Variants in NUP37 observed in about 807,000 individuals in gnomAD.
NUP37 encodes the protein nucleoporin 37.
In NUP37, 33 loss-of-function variants were observed where a neutral mutation model predicts 45.4. The ratio of observed to expected loss-of-function variants is 0.73; its 90% CI spans 0.55 to 0.97. NUP37 has a LOEUF of 0.97. Among genes scored for constraint, NUP37 ranks in the 50% least tolerant of loss-of-function variants. The probability of loss-of-function intolerance (pLI) is 0.00; values close to 1 mark genes in which losing one functional copy is unlikely to be tolerated. For missense variants in NUP37, 365 were observed against 389.7 expected (o/e 0.94, Z 0.53); for synonymous variants, 127 against 130.7 (o/e 0.97, Z 0.19).
At chr12:102,104,457 T>C (rs1214859275) in intron 3 of NUP37, among the ~76,000 whole-genome samples, 2 of 152,172 alleles carry the variant, frequency 1.3e-5, no homozygotes, top group Non-Finnish European at 2.9e-5. Flanking sequence ...TGCCATGTAC[T>C]AGTTTTAAAG....
chr12:102,080,644 C>A (rs1879306968), intron 6 of NUP37, among the ~76,000 whole-genome samples: 1 of 152,136 alleles, frequency 6.6e-6, no homozygotes, highest in Non-Finnish European at 1.5e-5. Context: ...GAGATTGAGG[C>A]TCAAAGTGAT....
intron 3 of NUP37, 149 bp downstream of exon 3, chr12:102,111,959 T>C: frequency 1.5e-6 from 1 of 679,200 alleles, no homozygotes; most frequent in Non-Finnish European, 2.4e-6. Flanking sequence ...TAAGCCTAAA[T>C]TATTAAGTAG....
Position 102,073,974 on chromosome 12 carries a change from T to G in NUP37, c.*380A>C, listed in dbSNP as rs536840481. The G allele has an allele frequency of 1.4e-4, 22 of 153,604 alleles. No homozygotes were observed. Among genetic ancestry groups the G allele is most frequent in the African/African-American group, 4.8e-4 (20 of 41,580 alleles). The allele number at this position is 153,604 out of a possible 1,614,324, so 9.5% of individuals were successfully genotyped here. On this transcript the variant is annotated 3_prime_UTR_variant, in exon 10 of 10. Transcript: ENST00000552283. ...GTGAGCCATTGTACCTGGCCTTTTT[T>G]TCTCTTTTGATAAATGTGTCCCTGA...
intron 3 of NUP37, among the ~76,000 whole-genome samples, chr12:102,109,359 T>C (rs1208601437): frequency 1.3e-5 from 2 of 152,160 alleles, no homozygotes; most frequent in Non-Finnish European, 2.9e-5. Context: ...GAGTTATACC[T>C]TAGTCATGGT....
chr12:102,101,211 T>A, intron 3 of NUP37, 107 bp from the exon 4 acceptor site: 1 of 556,884 alleles, frequency 1.8e-6, no homozygotes, highest in Non-Finnish European at 3.2e-6. Context: ...TTATCATAAC[T>A]CATAATCATG....
chr12:102,113,323 C>T (rs12814672), intron 2 of NUP37, among the ~76,000 whole-genome samples: 3,145 of 152,158 alleles, frequency 0.021, 53 homozygotes, highest in Non-Finnish European at 0.027. Flanking sequence ...AACAGACAAA[C>T]AAAAAGAAAA....
chr12:102,080,293 G>A (rs1879296148), intron 6 of NUP37, among the ~76,000 whole-genome samples: 2 of 152,202 alleles, frequency 1.3e-5, no homozygotes, highest in South Asian at 2.1e-4. Context: ...GAGGTGGCAA[G>A]CACTTGTAGT....
rs538171743 is a variant in NUP37, at chr12:102,091,446, A to C, written c.450-5590T>G. ...AAAAAAAACCCAAAAAACAAAAAAA[A>C]CCCCACAGCCTTCATAATACACATA... On this transcript the variant is annotated intron_variant, in intron 5 of 9. Coordinates refer to ENST00000552283, the MANE Select transcript of NUP37 (RefSeq NM_024057.4). Among the ~76,000 whole-genome samples, 342 of 150,972 alleles carry C rather than the reference A, an allele frequency of 2.3e-3. 3 individuals carry two copies. The highest frequency in any genetic ancestry group is 8.0e-3 in the African/African-American group (331 of 41,218).
At chr12:102,082,261 C>G (rs1879349643) in intron 6 of NUP37, among the ~76,000 whole-genome samples, 3 of 151,832 alleles carry the variant, frequency 2.0e-5, no homozygotes, top group Non-Finnish European at 4.4e-5. Flanking sequence ...GTTTATATCT[C>G]TTGGGATTTT....
At chr12:102,086,891 C>G (rs183464992) in intron 5 of NUP37, among the ~76,000 whole-genome samples, 17 of 152,298 alleles carry the variant, frequency 1.1e-4, no homozygotes, top group Admixed American at 2.0e-4. Context: ...CAAGACCAGC[C>G]TGGCAAATAC....
At chr12:102,082,085 A>C (rs954520949) in intron 6 of NUP37, among the ~76,000 whole-genome samples, 3 of 152,030 alleles carry the variant, frequency 2.0e-5, no homozygotes, top group Non-Finnish European at 2.9e-5. Context: ...TGACATCCTG[A>C]ATCCTTGGTC....
intron 5 of NUP37, among the ~76,000 whole-genome samples, chr12:102,091,470 T>C: frequency 1.0e-5 from 1 of 96,878 alleles, no homozygotes; most frequent in Non-Finnish European, 2.1e-5. Context: ...ATAATACACA[T>C]AATTAAGCAT....
At chr12:102,112,317 A>T in intron 2 of NUP37, 85 bp from the exon 3 acceptor site, 2 of 1,134,184 alleles carry the variant, frequency 1.8e-6, no homozygotes, top group Non-Finnish European at 1.2e-6. Context: ...ATTTATCAGG[A>T]GGTTATGCTT....
intron 2 of NUP37, among the ~76,000 whole-genome samples, chr12:102,116,787 G>A (rs977545959): frequency 2.6e-5 from 4 of 151,192 alleles, no homozygotes; most frequent in South Asian, 2.1e-4. Context: ...GGCGGATCAC[G>A]AGGTCAGTTC....
chr12:102,117,156 TTAA>T (rs1482976836), intron 2 of NUP37, among the ~76,000 whole-genome samples: 1 of 151,936 alleles, frequency 6.6e-6, no homozygotes, highest in Non-Finnish European at 1.5e-5. Flanking sequence ...TACGGTTCTA[TTAA>T]TAATATTCTG....
intron 8 of NUP37, 108 bp from the exon 9 acceptor site, chr12:102,075,202 G>A (rs1381049804): frequency 1.6e-6 from 1 of 618,088 alleles, no homozygotes; most frequent in Non-Finnish European, 2.7e-6. Flanking sequence ...AAGAGACAGG[G>A]TCTTGCTCTG....
At chr12:102,105,101 T>A (rs1880094907) in intron 3 of NUP37, among the ~76,000 whole-genome samples, 1 of 152,254 alleles carries the variant, frequency 6.6e-6, no homozygotes, top group South Asian at 2.1e-4. Context: ...GTGTCTTTAA[T>A]TTCTTTCTGC....
intron 6 of NUP37, among the ~76,000 whole-genome samples, chr12:102,078,299 C>T (rs960702667): frequency 3.3e-5 from 5 of 150,544 alleles, no homozygotes; most frequent in South Asian, 2.1e-4. Flanking sequence ...GCACTCTAGC[C>T]GGGGCAACAA....
intron 3 of NUP37, among the ~76,000 whole-genome samples, chr12:102,101,784 G>A (rs1879978375): frequency 6.6e-6 from 1 of 151,926 alleles, no homozygotes; most frequent in Non-Finnish European, 1.5e-5. Context: ...GAGTGCAGTG[G>A]TATGATTTCA....
Sources: gnomAD v4.1 joint callset for allele counts (sites outside exome capture counted in the v4.1 genomes callset) on GRCh38, gnomAD v4.1.1 for gene constraint, MANE v1.5 for transcripts, NCBI Gene and HGNC (gene_info 2026-07-23, HGNC 2026-07-21) for gene names.